Variants in CDH23 observed in about 807,000 individuals in gnomAD.
CDH23 encodes cadherin related 23.
A neutral mutation model predicts 317.1 loss-of-function variants in CDH23; 189 were observed. That is an observed-to-expected ratio of 0.60 (90% CI 0.53 to 0.67). CDH23 has a LOEUF of 0.67. Ranked by LOEUF, CDH23 falls within the 30% of genes least tolerant of loss-of-function variation. CDH23 has a pLI of 0.00. For missense variants in CDH23, 4,401 were observed against 4,592.4 expected (o/e 0.96, Z 1.20); for synonymous variants, 1,839 against 1,876.8 (o/e 0.98, Z 0.52).
At chr10:71,583,453 G>A (rs1858794325) in intron 9 of CDH23, among the ~76,000 whole-genome samples, 1 of 152,120 alleles carries the variant, frequency 6.6e-6, no homozygotes, top group South Asian at 2.1e-4. Context: ...TTGGGGGACA[G>A]CAGGTAGGAG....
chr10:71,784,534 GC>G, intron 42 of CDH23, 114 bp downstream of exon 42: 1 of 1,372,196 alleles, frequency 7.3e-7, no homozygotes, highest in Non-Finnish European at 9.9e-7. Flanking sequence ...CTGCCCTGGA[GC>G]CAGGCCAGGC....
At chr10:71,596,032 C>G (rs756258894) in intron 9 of CDH23, among the ~76,000 whole-genome samples, 35 of 152,118 alleles carry the variant, frequency 2.3e-4, no homozygotes, top group Non-Finnish European at 4.7e-4. Context: ...TCTGGGCAGC[C>G]CCCTCTGTGA....
In CDH23 at chr10:71,677,566, A is replaced by C; in HGVS notation, c.1625A>C (p.Glu542Ala). The C allele has an allele frequency of 6.2e-7, 1 of 1,611,486 alleles. No homozygotes were observed. The change falls in exon 16 of 70, where the codon GAG (glutamate) becomes GCG (alanine). Residue 542 changes from glutamate (E) to alanine (A), a missense_variant. Physicochemically the swap from Glu to Ala is moderately radical, Grantham distance 107. Coordinates refer to ENST00000224721, the MANE Select transcript of CDH23 (RefSeq NM_022124.6). The part of the protein sequence containing the change: ...TIIARDGGGE[E>A]TTGRVRINVL... ...ATTGCCCGGGACGGGGGCGGCGAGG[A>C]GACCACAGGCCGGGTCAGGATCAAT... is the stretch of plus-strand genomic sequence containing the variant.
chr10:71,759,976 CACACATATATATACACACACACAT>C (rs1174926396), intron 38 of CDH23, among the ~76,000 whole-genome samples: 1 of 97,828 alleles, frequency 1.0e-5, no homozygotes, highest in African/African-American at 3.3e-5. Context: ...TATATACACA[CACACATATATATACACACACACAT>C]ACATATATAT....
intron 1 of CDH23, among the ~76,000 whole-genome samples, chr10:71,426,851 CA>C (rs1401095353): frequency 1.3e-5 from 2 of 152,036 alleles, no homozygotes; most frequent in Non-Finnish European, 2.9e-5. Context: ...TATCATCTCA[CA>C]AAGATACCTT....
At chr10:71,789,994 G>A (rs1841200874) in intron 45 of CDH23, among the ~76,000 whole-genome samples, 1 of 152,228 alleles carries the variant, frequency 6.6e-6, no homozygotes, top group Admixed American at 6.5e-5. Flanking sequence ...ACCCTCCCGA[G>A]GAGCGGCCAG....
At chr10:71,711,329 G>A (rs1040916631) in intron 27 of CDH23, among the ~76,000 whole-genome samples, 51 of 152,290 alleles carry the variant, frequency 3.3e-4, no homozygotes, top group African/African-American at 1.1e-3. Context: ...TGGAGGGTGA[G>A]AAGACCTACC....
At chr10:71,707,269 C>T in intron 26 of CDH23, 1 of 1,440,746 alleles carries the variant, frequency 6.9e-7, no homozygotes, top group African/African-American at 1.4e-5. Flanking sequence ...CCCTGGGGAC[C>T]TCCTGAACCT....
intron 1 of CDH23, among the ~76,000 whole-genome samples, chr10:71,434,842 G>C (rs1409453632): frequency 6.6e-6 from 1 of 152,150 alleles, no homozygotes; most frequent in Non-Finnish European, 1.5e-5. Flanking sequence ...GGTTCTAGGA[G>C]CAATGCGTGT....
At chr10:71,600,514 C>CGTTT (rs1860145108) in intron 9 of CDH23, among the ~76,000 whole-genome samples, 1 of 125,210 alleles carries the variant, frequency 8.0e-6, no homozygotes, top group South Asian at 2.6e-4. Context: ...GACCGCAGAA[C>CGTTT]TTTTTTTTTT....
At chr10:71,781,962 G>A (rs1463074314) in intron 41 of CDH23, among the ~76,000 whole-genome samples, 4 of 152,172 alleles carry the variant, frequency 2.6e-5, no homozygotes. Context: ...AAGGGTTGAC[G>A]GATGCTACAG....
chr10:71,508,727 TG>T (rs1370053408), intron 3 of CDH23, among the ~76,000 whole-genome samples: 1 of 152,192 alleles, frequency 6.6e-6, no homozygotes, highest in African/African-American at 2.4e-5. Context: ...TGGAAATAAG[TG>T]ATTTGCCTTA....
chr10:71,583,447 G>A (rs1314595335), intron 9 of CDH23, among the ~76,000 whole-genome samples: 4 of 152,096 alleles, frequency 2.6e-5, no homozygotes, highest in Non-Finnish European at 5.9e-5. Context: ...GACAGGTTGG[G>A]GGACAGCAGG....
intron 3 of CDH23, among the ~76,000 whole-genome samples, chr10:71,507,923 T>G (rs768610391): frequency 7.4e-4 from 113 of 152,254 alleles, no homozygotes; most frequent in Non-Finnish European, 2.2e-4. Flanking sequence ...CTCACCATTG[T>G]GCTTTGGGCA....
At chr10:71,590,878 AAAAAAAAACAAAAAAAAAC>A (rs1278614499) in intron 9 of CDH23, among the ~76,000 whole-genome samples, 10 of 128,552 alleles carry the variant, frequency 7.8e-5, no homozygotes, top group Admixed American at 6.5e-4. Context: ...GTCTCTAAAA[AAAAAAAAACAAAAAAAAAC>A]AAAAAAAAAC....
intron 6 of CDH23, among the ~76,000 whole-genome samples, chr10:71,524,665 G>A (rs1589163826): frequency 6.6e-6 from 1 of 152,188 alleles, no homozygotes; most frequent in East Asian, 1.9e-4. Context: ...ACCTCTCTGT[G>A]AGGCCTCTGT....
chr10:71,473,406 AC>A (rs1251724734), intron 3 of CDH23, among the ~76,000 whole-genome samples: 1 of 152,110 alleles, frequency 6.6e-6, no homozygotes, highest in Non-Finnish European at 1.5e-5. Context: ...TTTGCTGATC[AC>A]CTACTGTGTG....
At chr10:71,742,650 T>C (rs755180400) in intron 38 of CDH23, among the ~76,000 whole-genome samples, 4 of 152,224 alleles carry the variant, frequency 2.6e-5, no homozygotes, top group Non-Finnish European at 4.4e-5. Flanking sequence ...TTTTGTCATC[T>C]GCAAAAGGGA....
At chr10:71,453,003 G>A (rs1241871511) in intron 3 of CDH23, among the ~76,000 whole-genome samples, 1 of 152,162 alleles carries the variant, frequency 6.6e-6, no homozygotes, top group East Asian at 1.9e-4. Flanking sequence ...GTGGATGGGT[G>A]AGTGGATGTC....
Sources: allele counts gnomAD v4.1 joint callset (sites outside exome capture counted in the v4.1 genomes callset), GRCh38; gene constraint gnomAD v4.1.1; transcripts MANE v1.5; gene names NCBI Gene and HGNC (gene_info 2026-07-23, HGNC 2026-07-21).